DDX19B: variants seen among roughly 807,000 people sequenced by gnomAD.
The protein encoded by DDX19B is DEAD-box helicase 19B.
Under a neutral mutation model 58.1 loss-of-function variants are expected in DDX19B, and 27 were observed. That is an observed-to-expected ratio of 0.46 (90% CI 0.34 to 0.64). The LOEUF (loss-of-function observed/expected upper bound fraction) is 0.64, where lower values mean the gene tolerates loss of function less well. Among genes scored for constraint, DDX19B ranks in the 30% least tolerant of loss-of-function variants. The pLI, the probability that DDX19B is intolerant of heterozygous loss-of-function variation, is 0.01. For missense variants in DDX19B, 399 were observed against 596.5 expected (o/e 0.67, Z 3.45); for synonymous variants, 187 against 214.4 (o/e 0.87, Z 1.12).
chr16:70,324,673 A>T lies in DDX19B; in HGVS notation c.478A>T (p.Asn160Tyr). ...LAMLSQVEPA[N>Y]KYPQCLCLSP... ...CATGCTTAGCCAAGTAGAACCTGCA[A>T]ACAAATACCCCCAGGTAAGGATTTA... The change falls in exon 6 of 12, where the codon AAC (asparagine) becomes TAC (tyrosine). Residue 160 changes from asparagine (N) to tyrosine (Y), a missense_variant. Transcript: ENST00000288071. 1 of 1,613,450 alleles carries T rather than the reference A, an allele frequency of 6.2e-7. No individual in the cohort carries two copies. The highest frequency in any genetic ancestry group is 8.5e-7 in the Non-Finnish European group (1 of 1,179,862).
chr16:70,326,943 T>C (rs1177733139), intron 7 of DDX19B, among the ~76,000 whole-genome samples: 1 of 152,004 alleles, frequency 6.6e-6, no homozygotes, highest in Non-Finnish European at 1.5e-5. Context: ...CACACCATTC[T>C]CCTGCCTCAG....
chr16:70,294,754 G>T, upstream of DDX19B: 9 of 1,078,030 alleles, frequency 8.3e-6, no homozygotes, highest in South Asian at 1.8e-5. Context: ...CTGATTGGCT[G>T]ACAGGATTTC....
chr16:70,320,960 CTTT>C (rs904476486), intron 5 of DDX19B, among the ~76,000 whole-genome samples: 5 of 108,646 alleles, frequency 4.6e-5, no homozygotes, highest in Non-Finnish European at 5.7e-5. Flanking sequence ...CCACACTAGG[CTTT>C]TTTTTTTTTT....
chr16:70,322,957 C>T (rs1250396004), intron 5 of DDX19B, among the ~76,000 whole-genome samples: 1 of 150,476 alleles, frequency 6.6e-6, no homozygotes, highest in African/African-American at 2.4e-5. Flanking sequence ...TTTTAAAATT[C>T]CACCTGTGGC....
chr16:70,307,878 C>T (rs1961850522), intron 1 of DDX19B, among the ~76,000 whole-genome samples: 1 of 151,858 alleles, frequency 6.6e-6, no homozygotes, highest in Admixed American at 6.6e-5. Context: ...CACATACCAC[C>T]ATGCCCAGCT....
chr16:70,294,273 G>A (rs1961139655), upstream of DDX19B, among the ~76,000 whole-genome samples: 1 of 151,716 alleles, frequency 6.6e-6, no homozygotes, highest in African/African-American at 2.4e-5. Flanking sequence ...AGTAGAGACG[G>A]GGTTTCACAG....
At chr16:70,324,439 G>A in intron 5 of DDX19B, 146 bp from the exon 6 acceptor site, 1 of 490,416 alleles carries the variant, frequency 2.0e-6, no homozygotes, top group Non-Finnish European at 3.6e-6. Flanking sequence ...TATTTCTATA[G>A]TGCCCTGTTC....
chr16:70,330,951 G>GGGAGGATT (rs1164607380), intron 9 of DDX19B, among the ~76,000 whole-genome samples: 1 of 151,698 alleles, frequency 6.6e-6, no homozygotes, highest in Non-Finnish European at 1.5e-5. Context: ...AGGCTCAGAT[G>GGGAGGATT]GGAGGATTGA....
chr16:70,292,979 A>G (rs1037071269), upstream of DDX19B, among the ~76,000 whole-genome samples: 3 of 151,986 alleles, frequency 2.0e-5, no homozygotes, highest in Non-Finnish European at 4.4e-5. Context: ...GGTGGCGGCC[A>G]CCTGTAATCC....
chr16:70,311,296 C>T (rs1387734704), intron 1 of DDX19B, among the ~76,000 whole-genome samples: 2 of 152,060 alleles, frequency 1.3e-5, no homozygotes, highest in African/African-American at 2.4e-5. Flanking sequence ...AGTAGAATGG[C>T]GTGAACCCGG....
At position 70,329,427 on chromosome 16, in the gene DDX19B, T is replaced by C. The variant is rs1963360054; in HGVS notation, c.743T>C (p.Ile248Thr). 3 of 1,613,936 alleles carry C rather than the reference T, an allele frequency of 1.9e-6. No individual in the cohort carries two copies. The highest frequency in any genetic ancestry group is 2.5e-6 in the Non-Finnish European group (3 of 1,179,982). The change falls in exon 8 of 12, where the codon ATA (isoleucine) becomes ACA (threonine). Residue 248 changes from isoleucine (I) to threonine (T), a missense_variant. Physicochemically the swap from Ile to Thr is moderately conservative, Grantham distance 89. This residue lies in a region of DDX19B where 198 missense variants were observed against 345.9 expected (regional missense o/e 0.57). Transcript: ENST00000288071. ...VFVLDEADVM[I>T]ATQGHQDQSI... is the part of the protein sequence containing the mutation. The stretch of plus-strand genomic sequence containing the variant: ...GTTCTGGATGAGGCTGATGTCATGA[T>C]AGCCACTCAGGGCCACCAAGATCAG...
At chr16:70,317,837 C>G (rs1187634229) in intron 5 of DDX19B, 1 of 257,248 alleles carries the variant, frequency 3.9e-6, no homozygotes, top group Non-Finnish European at 7.5e-6. Flanking sequence ...CCCAGCTACT[C>G]AGGAGGCTGA....
intron 6 of DDX19B, 146 bp downstream of exon 6, chr16:70,324,833 C>A: frequency 1.5e-6 from 1 of 657,238 alleles, no homozygotes. Context: ...GGGCGGATCA[C>A]CTGAGGTCAG....
At chr16:70,294,769 C>T (rs1438736974), upstream of DDX19B, 1 of 1,187,718 alleles carries the variant, frequency 8.4e-7, no homozygotes, top group African/African-American at 1.6e-5. Context: ...GATTTCCAGG[C>T]CTCAGCCAAT....
At chr16:70,306,149 T>TTTGTTG (rs1008136448) in intron 1 of DDX19B, among the ~76,000 whole-genome samples, 1 of 151,310 alleles carries the variant, frequency 6.6e-6, no homozygotes, top group Non-Finnish European at 1.5e-5. Context: ...GTTGTTGTTG[T>TTTGTTG]TTGTTGTTGT....
chr16:70,309,591 G>A (rs1381253103), intron 1 of DDX19B, among the ~76,000 whole-genome samples: 8 of 151,180 alleles, frequency 5.3e-5, no homozygotes, highest in South Asian at 2.1e-4. Context: ...AGGCCGAGGC[G>A]GGTGGATCAC....
chr16:70,308,591 G>A (rs76194806), intron 1 of DDX19B, among the ~76,000 whole-genome samples: 10,863 of 150,992 alleles, frequency 0.072, 1,305 homozygotes, highest in African/African-American at 0.25. Flanking sequence ...GGCTTGTCTC[G>A]AACTCCATGA....
upstream of DDX19B, among the ~76,000 whole-genome samples, chr16:70,298,363 G>A (rs769124368): frequency 9.2e-5 from 14 of 151,948 alleles, no homozygotes; most frequent in Non-Finnish European, 1.3e-4. Flanking sequence ...CCGAAATCGT[G>A]CCACTGCACT....
At chr16:70,312,287 A>G (rs1029298399) in intron 1 of DDX19B, among the ~76,000 whole-genome samples, 7 of 152,188 alleles carry the variant, frequency 4.6e-5, no homozygotes, top group African/African-American at 9.6e-5. Flanking sequence ...ATATGAGAGA[A>G]TGACAACTCT....
Sources: gnomAD v4.1 joint callset for allele counts (sites outside exome capture counted in the v4.1 genomes callset) on GRCh38, gnomAD v4.1.1 for gene constraint, gnomAD v4.1.1 regional missense constraint, MANE v1.5 for transcripts, NCBI Gene and HGNC (gene_info 2026-07-23, HGNC 2026-07-21) for gene names.